The following DLD variants were observed in gnomAD, a reference collection of about 807,000 sequenced individuals.
DLD encodes dihydrolipoamide dehydrogenase.
In DLD, 36 loss-of-function variants were observed where a neutral mutation model predicts 62.2. The ratio of observed to expected loss-of-function variants is 0.58; its 90% confidence interval spans 0.44 to 0.76. DLD has a LOEUF of 0.76. Among genes scored for constraint, DLD ranks in the 30% least tolerant of loss-of-function variants. DLD has a pLI of 0.00. For missense variants in DLD, 541 were observed against 608.6 expected, an observed-to-expected ratio of 0.89 and a Z score of 1.17; for synonymous variants, 204 against 199.6, an observed-to-expected ratio of 1.02 and a Z score of -0.19.
intron 8 of DLD, 125 bp downstream of exon 8, chr7:107,906,493 G>C (rs1021672761): frequency 1.5e-6 from 1 of 665,844 alleles, no homozygotes; most frequent in Non-Finnish European, 2.7e-6. Context: ...AACACTTCTA[G>C]TAATAAAGAG....
chr7:107,900,927 T>G (rs2031860504), intron 2 of DLD, among the ~76,000 whole-genome samples: 1 of 152,106 alleles, frequency 6.6e-6, no homozygotes, highest in African/African-American at 2.4e-5. Flanking sequence ...TGAAGTTGGA[T>G]TGAGAAGAAT....
intron 2 of DLD, among the ~76,000 whole-genome samples, chr7:107,894,902 T>G (rs2031680344): frequency 6.6e-6 from 1 of 152,258 alleles, no homozygotes; most frequent in South Asian, 2.1e-4. Context: ...TGTCTTTTCC[T>G]CAGGAATGCA....
At chr7:107,894,119 A>T (rs1489983466) in intron 2 of DLD, among the ~76,000 whole-genome samples, 1 of 152,216 alleles carries the variant, frequency 6.6e-6, no homozygotes, top group Non-Finnish European at 1.5e-5. Flanking sequence ...CATAAAGGAT[A>T]TGCATTTTAT....
chr7:107,911,932 A>C (rs745976781), intron 8 of DLD, among the ~76,000 whole-genome samples: 5 of 151,886 alleles, frequency 3.3e-5, no homozygotes, highest in African/African-American at 1.2e-4. Flanking sequence ...TATTCTGTCT[A>C]ATTGTATATT....
intron 4 of DLD, 135 bp from the exon 5 acceptor site, chr7:107,903,343 A>G (rs2031924097): frequency 3.4e-6 from 2 of 589,018 alleles, no homozygotes; most frequent in Non-Finnish European, 6.2e-6. Flanking sequence ...GCGCCATTGC[A>G]CTCCAGCTTG....
intron 9 of DLD, 149 bp from the exon 10 acceptor site, chr7:107,916,645 C>G (rs1385133873): frequency 1.2e-6 from 1 of 800,144 alleles, no homozygotes; most frequent in Non-Finnish European, 2.1e-6. Context: ...GTACTCCAGT[C>G]TGGCGACAGA....
In DLD at chr7:107,918,028, A is replaced by C; in HGVS notation, c.1341A>C (p.Thr447=). The change falls in exon 12 of 14, where the codon ACA becomes ACC. Residue 447 remains threonine (T), a synonymous_variant. Transcript: ENST00000205402. ...TGAAGATCCTTGGGCAGAAATCGAC[A>C]GACAGAGTACTGGGAGCACATATTC... ...GMVKILGQKS[T]DRVLGAHILG... The C allele has an allele frequency of 1.9e-6, 3 of 1,614,072 alleles. No homozygotes were observed. In the South Asian group the frequency reaches 3.3e-5, roughly 18 times the overall value.
In DLD at chr7:107,903,553, T is replaced by C; in HGVS notation, c.337+6T>C. 1 of 1,541,318 alleles carries C rather than the reference T, an allele frequency of 6.5e-7. No individual in the cohort carries two copies. Among genetic ancestry groups the C allele is most frequent in the Non-Finnish European group, 9.0e-7 (1 of 1,114,984 alleles). On this transcript the variant is annotated splice_donor_region_variant and intron_variant, in intron 5 of 13. Transcript: ENST00000205402. ...TGCATCTAGAGGAATTGAAAGTAAG[T>C]ATACTTTTCATGCTTAATGATATTA...
At chr7:107,908,201 A>G (rs1256900936) in intron 8 of DLD, among the ~76,000 whole-genome samples, 1 of 139,014 alleles carries the variant, frequency 7.2e-6, no homozygotes, top group African/African-American at 2.7e-5. Flanking sequence ...CCCAGGCTGG[A>G]GTGCAGTGGC....
At chr7:107,917,532 A>G in intron 11 of DLD, 70 bp downstream of exon 11, 1 of 1,411,108 alleles carries the variant, frequency 7.1e-7, no homozygotes, top group Non-Finnish European at 1.0e-6. Flanking sequence ...GTTGAGAAAC[A>G]GCATTTTATC....
intron 2 of DLD, among the ~76,000 whole-genome samples, chr7:107,898,947 C>A (rs923477707): frequency 3.9e-5 from 6 of 152,106 alleles, no homozygotes; most frequent in Non-Finnish European, 7.4e-5. Context: ...GAGTCAGAAT[C>A]ATGTGTTATC....
chr7:107,915,777 A>C, intron 9 of DLD, 81 bp downstream of exon 9: 1 of 1,293,122 alleles, frequency 7.7e-7, no homozygotes, highest in Non-Finnish European at 1.1e-6. Context: ...CAGTTTAGCA[A>C]ATATAGGGTT....
intron 8 of DLD, among the ~76,000 whole-genome samples, chr7:107,913,509 CTTTTT>C (rs796794845): frequency 7.0e-6 from 1 of 142,856 alleles, no homozygotes; most frequent in Non-Finnish European, 1.5e-5. Context: ...AATGGGATTG[CTTTTT>C]TTTTTTCTTT....
intron 5 of DLD, among the ~76,000 whole-genome samples, chr7:107,904,034 T>A (rs901257207): frequency 6.6e-6 from 1 of 152,220 alleles, no homozygotes; most frequent in African/African-American, 2.4e-5. Context: ...CTTTTTGAGC[T>A]GTTTTAATCT....
At chr7:107,913,534 TC>T (rs2032194110) in intron 8 of DLD, among the ~76,000 whole-genome samples, 1 of 151,984 alleles carries the variant, frequency 6.6e-6, no homozygotes, top group African/African-American at 2.4e-5. Flanking sequence ...TTTTAGATTG[TC>T]CACTGTTGGT....
At chr7:107,918,494 A>G (rs2116275982) in intron 12 of DLD, among the ~76,000 whole-genome samples, 1 of 152,248 alleles carries the variant, frequency 6.6e-6, no homozygotes, top group South Asian at 2.1e-4. Flanking sequence ...TGCTTAAGAT[A>G]CCCTCTGCTT....
At chr7:107,902,585 G>C (rs1015931250) in intron 4 of DLD, among the ~76,000 whole-genome samples, 192 bp downstream of exon 4, 1 of 152,180 alleles carries the variant, frequency 6.6e-6, no homozygotes, top group Non-Finnish European at 1.5e-5. Context: ...GCTGTCACTA[G>C]TCTGCCACAC....
chr7:107,896,870 C>G (rs566737736), intron 2 of DLD, among the ~76,000 whole-genome samples: 17 of 151,250 alleles, frequency 1.1e-4, no homozygotes, highest in Non-Finnish European at 2.9e-5. Flanking sequence ...AAGTCTCGCT[C>G]TTGTCCCCTA....
At chr7:107,897,938 A>G (rs1374342124) in intron 2 of DLD, among the ~76,000 whole-genome samples, 6 of 152,172 alleles carry the variant, frequency 3.9e-5, no homozygotes, top group Non-Finnish European at 7.4e-5. Context: ...TTTCAGTGGT[A>G]GCCTGGATAA....
Sources: allele counts gnomAD v4.1 joint callset (sites outside exome capture counted in the v4.1 genomes callset), GRCh38; gene constraint gnomAD v4.1.1; transcripts MANE v1.5; gene names NCBI Gene and HGNC (gene_info 2026-07-23, HGNC 2026-07-21).